The following CAPN5 variants were observed in gnomAD, a reference collection of about 807,000 sequenced individuals.
The protein encoded by CAPN5 is calpain 5.
Under a neutral mutation model 73.0 loss-of-function variants are expected in CAPN5, and 54 were observed. The ratio of observed to expected loss-of-function variants is 0.74; its 90% CI spans 0.59 to 0.93. The LOEUF (loss-of-function observed/expected upper bound fraction) is 0.93, where lower values mean the gene tolerates loss of function less well. Ranked by LOEUF, CAPN5 falls within the 40% of genes least tolerant of loss-of-function variation. The pLI is 0.00. For missense variants in CAPN5, 785 were observed against 882.9 expected (o/e 0.89, Z 1.41); for synonymous variants, 335 against 356.9 (o/e 0.94, Z 0.69).
At chr11:77,070,570 G>T (rs1333532999) in intron 1 of CAPN5, among the ~76,000 whole-genome samples, 2 of 152,216 alleles carry the variant, frequency 1.3e-5, no homozygotes, top group African/African-American at 4.8e-5. Context: ...CAGGAGAGGC[G>T]GGTGGGACCC....
intron 4 of CAPN5, 140 bp from the exon 5 acceptor site, chr11:77,114,102 T>C: frequency 2.9e-6 from 2 of 684,568 alleles, no homozygotes; most frequent in Non-Finnish European, 2.5e-6. Context: ...TGGGTTCCAG[T>C]GTTGGCTCCG....
intron 3 of CAPN5, among the ~76,000 whole-genome samples, chr11:77,105,537 C>T (rs1950336796): frequency 6.6e-6 from 1 of 152,194 alleles, no homozygotes; most frequent in African/African-American, 2.4e-5. Flanking sequence ...CCTTGCAGGG[C>T]CACTGGGCAG....
intron 1 of CAPN5, chr11:77,072,942 A>C (rs979507839): frequency 2.3e-6 from 1 of 441,480 alleles, no homozygotes; most frequent in Non-Finnish European, 4.2e-6. Flanking sequence ...CACACAGCAC[A>C]GTGAGGCAGA....
chr11:77,101,834 GC>G lies in CAPN5; in HGVS notation c.297+8025del, dbSNP rs142405665. Among the ~76,000 whole-genome samples the G allele has an allele frequency of 9.1e-3, 1,381 of 152,264 alleles. 20 individuals are homozygous for G. The highest frequency in any genetic ancestry group is 0.032 in the African/African-American group (1,318 of 41,536). On this transcript the variant is annotated intron_variant, in intron 3 of 12. Coordinates refer to ENST00000648180, the MANE Select transcript of CAPN5 (RefSeq NM_004055.5). Reference sequence around the variant, plus strand: ...GTATAAAGGCTGAGCTTCTGGTTCCGCCCCGGGCCCTGGGGATATAAACATT... The same window carrying G: ...GTATAAAGGCTGAGCTTCTGGTTCCGCCCGGGCCCTGGGGATATAAACATT...
chr11:77,115,956 G>A (rs1469624638), intron 6 of CAPN5, among the ~76,000 whole-genome samples: 5 of 152,062 alleles, frequency 3.3e-5, no homozygotes, highest in African/African-American at 1.2e-4. Flanking sequence ...CTCTTCACTG[G>A]GGGTCGCACC....
In CAPN5 at chr11:77,123,910, A is replaced by C; in HGVS notation, c.*40A>C. 6.3e-7 allele frequency: 1 copy of C among 1,585,260 alleles called. No homozygotes were observed. The highest frequency in any genetic ancestry group is 8.6e-7 in the Non-Finnish European group (1 of 1,160,798). Reference sequence around the variant, plus strand: ...CCTGGCTCTGACCGTTCCCACCACCATCTGCATGTCCCCACTGGGCCTGAG... The same window carrying C: ...CCTGGCTCTGACCGTTCCCACCACCCTCTGCATGTCCCCACTGGGCCTGAG... On this transcript the variant is annotated 3_prime_UTR_variant, in exon 13 of 13. Transcript: ENST00000648180.
chr11:77,114,354 G>C lies in CAPN5; in HGVS notation c.619G>C (p.Asp207His). The C allele has an allele frequency of 6.2e-7, 1 of 1,614,210 alleles. No homozygotes were observed. The highest frequency in any genetic ancestry group is 8.5e-7 in the Non-Finnish European group (1 of 1,180,046). Reference protein sequence around the residue: ...IDLTEGDFANDETKRNQLFER... With the variant: ...IDLTEGDFANHETKRNQLFER... ...CCTGACCGAGGGTGACTTTGCCAACGATGAGACTAAGAGGAACCAGCTCTT... is the reference window on the plus strand; with the variant it reads ...CCTGACCGAGGGTGACTTTGCCAACCATGAGACTAAGAGGAACCAGCTCTT... Residue 207 changes from aspartate (D) to histidine (H), a missense_variant, in exon 5 of 13, where the codon GAT (aspartate) becomes CAT (histidine). Physicochemically the swap from Asp to His is moderately conservative, Grantham distance 81 (BLOSUM62 -1). Transcript: ENST00000648180.
intron 9 of CAPN5, chr11:77,119,723 C>CG (rs1241735130): frequency 6.4e-6 from 1 of 155,644 alleles, no homozygotes; most frequent in Non-Finnish European, 1.4e-5. Context: ...ATGAAGCCAC[C>CG]GGGCCCTGCA....
intron 1 of CAPN5, among the ~76,000 whole-genome samples, chr11:77,081,235 G>A (rs148772342): frequency 1.3e-5 from 2 of 152,198 alleles, no homozygotes; most frequent in African/African-American, 4.8e-5. Context: ...GTGCCCTGAG[G>A]TGGTAATAAA....
chr11:77,082,775 C>T (rs1435402637), intron 1 of CAPN5, among the ~76,000 whole-genome samples: 1 of 152,200 alleles, frequency 6.6e-6, no homozygotes, highest in Non-Finnish European at 1.5e-5. Context: ...CCTTCCTAGC[C>T]TGGAGAGCAG....
rs1555034533 is a variant in CAPN5, at chr11:77,081,023, G to A, written c.-35-3829G>A. Among the ~76,000 whole-genome samples, 4 of 152,318 alleles carry A rather than the reference G, an allele frequency of 2.6e-5. No individual in the cohort carries two copies. The South Asian group carries it at 6.2e-4, about 24-fold the overall frequency. On this transcript the variant is annotated intron_variant, in intron 1 of 12. Transcript: ENST00000648180. Reference sequence around the variant, plus strand: ...CTGTGCAGGCTGGGTCTGACTCACCGCTGCCCTGGCCACAGGAGGAGGAGG... The same window carrying A: ...CTGTGCAGGCTGGGTCTGACTCACCACTGCCCTGGCCACAGGAGGAGGAGG...
intron 7 of CAPN5, 38 bp downstream of exon 7, chr11:77,116,341 G>T: frequency 6.4e-7 from 1 of 1,564,248 alleles, no homozygotes; most frequent in South Asian, 1.1e-5. Context: ...GGGGCTGAGG[G>T]GGCTTCCCAC....
rs782178755 is a variant in CAPN5 at position 77,112,644 on chromosome 11, C to T, written c.353C>T (p.Ala118Val). The T allele has an allele frequency of 1.1e-5, 17 of 1,614,096 alleles. No individual in the cohort carries two copies. The highest frequency in any genetic ancestry group is 4.5e-5 in the East Asian group (2 of 44,890). The change falls in exon 4 of 13, where the codon GCG (alanine) becomes GTG (valine). Residue 118 changes from alanine (A) to valine (V), a missense_variant. Coordinates refer to ENST00000648180, the MANE Select transcript of CAPN5 (RefSeq NM_004055.5). ...EWDPEKPNAY[A>V]GIFHFHFWRF... ...GACCCCGAAAAGCCCAACGCCTACG[C>T]GGGCATCTTCCACTTCCACTTCTGG...
intron 10 of CAPN5, among the ~76,000 whole-genome samples, 192 bp from the exon 11 acceptor site, chr11:77,121,742 G>C (rs1174187461): frequency 6.6e-6 from 1 of 152,334 alleles, no homozygotes. Flanking sequence ...ACCCTTGATA[G>C]GGATAGAGAA....
chr11:77,098,122 G>C (rs1263349277), intron 3 of CAPN5, among the ~76,000 whole-genome samples: 1 of 69,826 alleles, frequency 1.4e-5, no homozygotes, highest in Admixed American at 1.2e-4. Flanking sequence ...CCTCCCTCCC[G>C]GACGGGGCGG....
chr11:77,118,293 C>T lies in CAPN5; in HGVS notation c.1108C>T (p.Arg370Ter), dbSNP rs565629714. The change falls in exon 8 of 13, where the codon CGA (arginine) becomes TGA (stop). Residue 370 changes from arginine (R) to a stop codon, truncating the protein, a stop_gained. Transcript: ENST00000648180. LOFTEE classifies it high-confidence loss of function. ...HGAWTLHEDP[R>*]QNRGGGCINH... ...CGCCTGGACGCTGCATGAGGACCCGCGACAGAACCGCGGTGGCGGCTGCAT... is the reference window on the plus strand; with the variant it reads ...CGCCTGGACGCTGCATGAGGACCCGTGACAGAACCGCGGTGGCGGCTGCAT... The T allele has an allele frequency of 9.3e-6, 15 of 1,613,318 alleles. No homozygotes were observed. The highest frequency in any genetic ancestry group is 4.0e-5 in the African/African-American group (3 of 75,056).
At chr11:77,090,517 C>T (rs149671081) in intron 2 of CAPN5, among the ~76,000 whole-genome samples, 6 of 152,324 alleles carry the variant, frequency 3.9e-5, no homozygotes, top group Non-Finnish European at 5.9e-5. Context: ...GGCATCCCAT[C>T]GGATCCGTCC....
At chr11:77,107,690 C>T (rs59351628) in intron 3 of CAPN5, among the ~76,000 whole-genome samples, 7,858 of 152,210 alleles carry the variant, frequency 0.052, 258 homozygotes, top group African/African-American at 0.091. Context: ...CGTGGGTGGC[C>T]GTTGGTGGAT....
rs527780892 is a variant in CAPN5, at chr11:77,123,678, C to T, written c.1741-10C>T. The T allele has an allele frequency of 6.2e-7, 1 of 1,610,798 alleles. No homozygotes were observed. Among genetic ancestry groups the T allele is most frequent in the South Asian group, 1.1e-5 (1 of 90,780 alleles). Reference sequence around the variant, plus strand: ...GCCCGCCCCTCCCATGATCCTCTGTCTCTTCCCAGGTCTGGAACCACCGAG... The same window carrying T: ...GCCCGCCCCTCCCATGATCCTCTGTTTCTTCCCAGGTCTGGAACCACCGAG... On this transcript the variant is annotated splice_polypyrimidine_tract_variant and intron_variant, in intron 12 of 12. Transcript: ENST00000648180.
Sources: allele counts gnomAD v4.1 joint callset (sites outside exome capture counted in the v4.1 genomes callset), GRCh38; gene constraint gnomAD v4.1.1; transcripts MANE v1.5; gene names NCBI Gene and HGNC (gene_info 2026-07-23, HGNC 2026-07-21).